The following ZNF365 variants were observed in gnomAD, a reference collection of about 807,000 sequenced individuals.
ZNF365 encodes the protein zinc finger protein 365.
In ZNF365, 22 loss-of-function variants were observed where a neutral mutation model predicts 35.0. That is an observed-to-expected ratio of 0.63 (90% CI 0.45 to 0.90). The LOEUF is 0.90. ZNF365 is among the 40% of genes least tolerant of loss of function. ZNF365 has a pLI of 0.00. For missense variants in ZNF365, 448 were observed against 500.3 expected, an observed-to-expected ratio of 0.90 and a Z score of 1.00; for synonymous variants, 188 against 196.2, an observed-to-expected ratio of 0.96 and a Z score of 0.35.
chr10:62,452,825 G>T (rs1469032993), intron 3 of ZNF365, among the ~76,000 whole-genome samples: 1 of 152,240 alleles, frequency 6.6e-6, no homozygotes. Flanking sequence ...AAGTAGAAAT[G>T]AAGATATTAA....
At chr10:62,392,086 C>T (rs965771607) in intron 3 of ZNF365, among the ~76,000 whole-genome samples, 4 of 151,856 alleles carry the variant, frequency 2.6e-5, no homozygotes, top group African/African-American at 9.7e-5. Context: ...TAGTCTACTT[C>T]TGATGGGATT....
chr10:62,462,498 C>T (rs891919344), intron 4 of ZNF365, among the ~76,000 whole-genome samples: 1 of 152,224 alleles, frequency 6.6e-6, no homozygotes, highest in Non-Finnish European at 1.5e-5. Flanking sequence ...CTAGAGATCC[C>T]TGGCATCCCA....
At chr10:62,471,759 C>T (rs796719614) in intron 4 of ZNF365, among the ~76,000 whole-genome samples, 38 of 152,250 alleles carry the variant, frequency 2.5e-4, no homozygotes, top group African/African-American at 8.7e-4. Context: ...ACACTCATAA[C>T]GTCATCTAGA....
At chr10:62,393,037 C>CA (rs1341215528) in intron 3 of ZNF365, among the ~76,000 whole-genome samples, 1 of 144,992 alleles carries the variant, frequency 6.9e-6, no homozygotes, top group Non-Finnish European at 1.5e-5. Context: ...TTCTGTTAAG[C>CA]TTTTTTTTTT....
chr10:62,423,437 G>T (rs191283309), intron 3 of ZNF365, among the ~76,000 whole-genome samples: 44 of 152,278 alleles, frequency 2.9e-4, no homozygotes, highest in African/African-American at 8.2e-4. Context: ...CAGCAATTCA[G>T]ACTTGGACAG....
At chr10:62,461,542 C>CT (rs1354149822) in intron 4 of ZNF365, among the ~76,000 whole-genome samples, 1 of 152,206 alleles carries the variant, frequency 6.6e-6, no homozygotes, top group Middle Eastern at 3.2e-3. Flanking sequence ...AGCTTTTCCC[C>CT]TTTGGCACAC....
intron 3 of ZNF365, among the ~76,000 whole-genome samples, chr10:62,414,572 C>G (rs1416799490): frequency 6.6e-6 from 1 of 152,090 alleles, no homozygotes; most frequent in Non-Finnish European, 1.5e-5. Flanking sequence ...ATTGTACTAC[C>G]TGGTGGATCA....
In ZNF365 at chr10:62,388,579, G is replaced by T; in HGVS notation, c.924+3G>T. ...TCCGTGATCTCAGCGGGCACGTGGTGAGTCACCCCGGGCCAGCCACCGAGT... is the reference window on the plus strand; with the variant it reads ...TCCGTGATCTCAGCGGGCACGTGGTTAGTCACCCCGGGCCAGCCACCGAGT... On this transcript the variant is annotated splice_donor_region_variant and intron_variant, in intron 3 of 4. Coordinates refer to ENST00000395254, the MANE Select transcript of ZNF365 (RefSeq NM_014951.3). 1 of 1,613,354 alleles carries T rather than the reference G, an allele frequency of 6.2e-7. No individual in the cohort carries two copies. Among genetic ancestry groups the T allele is most frequent in the Non-Finnish European group, 8.5e-7 (1 of 1,179,974 alleles).
At chr10:62,384,856 A>C (rs986041922) in intron 2 of ZNF365, among the ~76,000 whole-genome samples, 57 of 152,204 alleles carry the variant, frequency 3.7e-4, no homozygotes, top group African/African-American at 1.4e-3. Context: ...TTTGGAGTGT[A>C]ATTATGAAAG....
At chr10:62,426,732 C>T (rs1840255710) in intron 3 of ZNF365, among the ~76,000 whole-genome samples, 1 of 152,038 alleles carries the variant, frequency 6.6e-6, no homozygotes, top group South Asian at 2.1e-4. Context: ...TCATGGGGCT[C>T]TAAGCTATAG....
At chr10:62,455,157 G>A (rs1422786475) in intron 3 of ZNF365, among the ~76,000 whole-genome samples, 1 of 152,168 alleles carries the variant, frequency 6.6e-6, no homozygotes, top group African/African-American at 2.4e-5. Context: ...TTTAAGCAGG[G>A]GAGTGTTATA....
In ZNF365 at chr10:62,399,881, G is replaced by A. The variant is rs1839798230; in HGVS notation, c.*92G>A. 9 of 1,466,124 alleles carry A rather than the reference G, an allele frequency of 6.1e-6. No homozygotes were observed. Among genetic ancestry groups the A allele is most frequent in the Non-Finnish European group, 8.1e-6 (9 of 1,108,090 alleles). The allele number at this position is 1,466,124 out of a possible 1,614,324, so 90.8% of individuals were successfully genotyped here. ...AATGTCTTTCTGGAAACATTCCATA[G>A]TAAGACACATTGGAAAAGCCAAGGG... On this transcript the variant is annotated 3_prime_UTR_variant, in exon 5 of 5. Transcript: ENST00000395254.
intron 4 of ZNF365, among the ~76,000 whole-genome samples, chr10:62,460,743 A>G (rs760076622): frequency 7.2e-5 from 11 of 152,188 alleles, no homozygotes; most frequent in Non-Finnish European, 1.0e-4. Flanking sequence ...TCAGAAGACA[A>G]GAGTTGAAAC....
chr10:62,392,655 G>A (rs910109635), intron 3 of ZNF365, among the ~76,000 whole-genome samples: 2 of 151,878 alleles, frequency 1.3e-5, no homozygotes, highest in Non-Finnish European at 2.9e-5. Context: ...TTTTTGAGAC[G>A]GAGTCTTGCT....
chr10:62,460,775 G>A (rs1840835058), intron 4 of ZNF365, among the ~76,000 whole-genome samples: 1 of 152,148 alleles, frequency 6.6e-6, no homozygotes. Context: ...AATGTATGGG[G>A]AGGATTCTTC....
downstream of ZNF365, among the ~76,000 whole-genome samples, chr10:62,404,154 A>G (rs1429003868): frequency 2.0e-5 from 3 of 152,180 alleles, no homozygotes; most frequent in African/African-American, 7.2e-5. Context: ...GAGGAACCTC[A>G]CATATAGGCA....
chr10:62,480,259 G>A, exon 5 of ZNF365: 1 of 1,007,360 alleles, frequency 9.9e-7, no homozygotes, highest in South Asian at 4.6e-5. Flanking sequence ...GTACTCAGTT[G>A]TTAAATAAAA....
rs543085713 is a variant in ZNF365 at position 62,455,444 on chromosome 10, A to G, written c.925-4297A>G. ...TTTTTTTTCTGGTGATAAAGATAAT[A>G]CATGTTCAATACAGAAATTTGGAAA... On this transcript the variant is annotated intron_variant, in intron 3 of 4. Coordinates refer to the ZNF365 transcript ENST00000395255. 3.9e-5 allele frequency among the ~76,000 whole-genome samples: 6 copies of G among 152,318 alleles called. No individual in the cohort carries two copies. The South Asian group carries it at 1.2e-3, about 32-fold the overall frequency.
At chr10:62,422,818 A>G (rs980252844) in intron 3 of ZNF365, among the ~76,000 whole-genome samples, 1 of 152,154 alleles carries the variant, frequency 6.6e-6, no homozygotes, top group Non-Finnish European at 1.5e-5. Context: ...TCACAAGAAA[A>G]GAAAACTGCA....
Sources: allele counts gnomAD v4.1 joint callset (sites outside exome capture counted in the v4.1 genomes callset), GRCh38; gene constraint gnomAD v4.1.1; transcripts MANE v1.5; gene names NCBI Gene and HGNC (gene_info 2026-07-23, HGNC 2026-07-21).